PAK3: variants seen among roughly 807,000 people sequenced by gnomAD.
PAK3 encodes the protein p21 (RAC1) activated kinase 3, also known as serine/threonine-protein kinase PAK 3.
PAK3 carries 4 observed loss-of-function variants against 41.0 expected under a neutral mutation model. The observed-to-expected ratio is 0.10, with a 90% confidence interval of 0.05 to 0.22. The LOEUF is 0.22. Among genes scored for constraint, PAK3 ranks in the 10% least tolerant of loss-of-function variants. The pLI, the probability that PAK3 is intolerant of heterozygous loss-of-function variation, is 1.00. For synonymous variants in PAK3, 146 were observed against 139.6 expected (o/e 1.05, Z -0.32); for missense variants, 205 against 409.9 (o/e 0.50, Z 4.32).
chrX:111,186,240 G>T (rs1459082389), intron 11 of PAK3, among the ~76,000 whole-genome samples: 2 of 111,507 alleles, frequency 1.8e-5, no homozygotes, highest in Admixed American at 9.6e-5. Context: ...ATAAGACAAG[G>T]TTGCCCTCTC....
At chrX:110,989,222 A>G (rs181593822) in intron 1 of PAK3, among the ~76,000 whole-genome samples, 1 of 111,412 alleles carries the variant, frequency 9.0e-6, no homozygotes, top group African/African-American at 3.3e-5. Flanking sequence ...CCTCTGTGAT[A>G]CTCTAGGCCT....
chrX:110,982,801 G>A (rs1044902203), intron 1 of PAK3, among the ~76,000 whole-genome samples: 1 of 110,948 alleles, frequency 9.0e-6, no homozygotes, highest in African/African-American at 3.3e-5. Flanking sequence ...AATGGAGCAA[G>A]GGCAGACCCC....
chrX:110,984,678 C>T (rs769149364), intron 1 of PAK3, among the ~76,000 whole-genome samples: 4 of 111,951 alleles, frequency 3.6e-5, no homozygotes, highest in Non-Finnish European at 5.6e-5. Context: ...CAAGAAAAGA[C>T]TAACATAATT....
chrX:111,017,645 C>T (rs2092111993), intron 1 of PAK3, among the ~76,000 whole-genome samples: 1 of 111,651 alleles, frequency 9.0e-6, no homozygotes, highest in Non-Finnish European at 1.9e-5. Context: ...GGGTTCACCT[C>T]TAATTTCCAC....
At chrX:110,971,643 T>C (rs1396318643) in intron 1 of PAK3, among the ~76,000 whole-genome samples, 1 of 112,193 alleles carries the variant, frequency 8.9e-6, no homozygotes, top group Non-Finnish European at 1.9e-5. Flanking sequence ...TTCATTTTCT[T>C]GATGCTGTCC....
chrX:111,084,895 G>A (rs182507162), intron 1 of PAK3, among the ~76,000 whole-genome samples: 145 of 111,655 alleles, frequency 1.3e-3, no homozygotes, highest in African/African-American at 4.4e-3. Context: ...TCTGAAAAAC[G>A]ACTACCCCTT....
At chrX:111,118,901 A>G (rs1246726288) in intron 4 of PAK3, among the ~76,000 whole-genome samples, 1 of 111,686 alleles carries the variant, frequency 9.0e-6, no homozygotes, top group African/African-American at 3.3e-5. Flanking sequence ...CAGATATCAT[A>G]CCATCAGAGA....
In PAK3 at chrX:111,142,252, T is replaced by C; in HGVS notation, c.276+56T>C. Reference sequence around the variant, plus strand: ...CCACGAAAGAATTCCTTTGTGAAAATAGTTTTCAAGCAAGAATTGCCATGT... The same window carrying C: ...CCACGAAAGAATTCCTTTGTGAAAACAGTTTTCAAGCAAGAATTGCCATGT... On this transcript the variant is annotated intron_variant, in intron 6 of 17. Coordinates refer to ENST00000372007, the MANE Select transcript of PAK3 (RefSeq NM_002578.5). 3 of 719,917 alleles carry C rather than the reference T, an allele frequency of 4.2e-6. No individual in the cohort carries two copies. In the South Asian group the frequency reaches 6.3e-5, roughly 15 times the overall value. 59.3% of individuals were successfully genotyped at this position (719,917 alleles called of 1,213,427 possible). A position where few individuals can be genotyped will look rare whatever the true frequency, so the allele number is the denominator to read the frequency against.
chrX:111,036,591 C>T (rs1164749519), intron 1 of PAK3, among the ~76,000 whole-genome samples: 2 of 112,069 alleles, frequency 1.8e-5, no homozygotes, highest in African/African-American at 3.2e-5. Flanking sequence ...TAATTATCTC[C>T]ACCTGGTCCT....
intron 1 of PAK3, among the ~76,000 whole-genome samples, chrX:111,002,415 A>G (rs748704141): frequency 8.9e-6 from 1 of 111,749 alleles, no homozygotes; most frequent in Non-Finnish European, 1.9e-5. Context: ...TGCAGGACAC[A>G]CATGCTCTGA....
At chrX:111,150,259 TC>T (rs1306629902) in intron 7 of PAK3, among the ~76,000 whole-genome samples, 1 of 112,100 alleles carries the variant, frequency 8.9e-6, no homozygotes, top group African/African-American at 3.2e-5. Flanking sequence ...TCAACAAGCC[TC>T]TATGAAGTTC....
chrX:111,215,084 C>T (rs774797860), intron 16 of PAK3, among the ~76,000 whole-genome samples: 24 of 111,785 alleles, frequency 2.1e-4, no homozygotes, highest in Non-Finnish European at 4.1e-4. Flanking sequence ...TAGCTCTTGG[C>T]CCACTGTACT....
chrX:111,196,897 TTC>T (rs1425949677), intron 16 of PAK3, among the ~76,000 whole-genome samples: 4 of 107,518 alleles, frequency 3.7e-5, no homozygotes, highest in African/African-American at 1.4e-4. Flanking sequence ...TACCCTTTTT[TTC>T]TCTTTTTCTC....
intron 17 of PAK3, among the ~76,000 whole-genome samples, chrX:111,218,533 A>G (rs1057490736): frequency 8.9e-6 from 1 of 112,084 alleles, no homozygotes. Flanking sequence ...AGTTAAGTTG[A>G]AGAAAATAAG....
Position 111,223,102 on chromosome X carries a change from C to T in PAK3, c.*2655C>T, listed in dbSNP as rs906531084. 14 of 110,952 alleles carry T rather than the reference C, an allele frequency of 1.3e-4. No individual in the cohort carries two copies. The highest frequency in any genetic ancestry group is 2.9e-4 in the Admixed American group (3 of 10,348). 9.1% of individuals were successfully genotyped at this position (110,952 alleles called of 1,213,427 possible). A position where few individuals can be genotyped will look rare whatever the true frequency, so the allele number is the denominator to read the frequency against. ...ATTTGGTACAATCGAGTAACTTGAA[C>T]GCCAGATTGTTAACAGTTTATTCTC... On this transcript the variant is annotated 3_prime_UTR_variant, in exon 18 of 18. Transcript: ENST00000372007.
At chrX:111,079,822 T>C (rs1487756059) in intron 1 of PAK3, among the ~76,000 whole-genome samples, 1 of 112,337 alleles carries the variant, frequency 8.9e-6, no homozygotes, top group African/African-American at 3.2e-5. Flanking sequence ...TAAATATCAG[T>C]ATTAACAGGA....
At chrX:111,132,889 T>G (rs1361497245) in intron 5 of PAK3, among the ~76,000 whole-genome samples, 1 of 110,354 alleles carries the variant, frequency 9.1e-6, no homozygotes, top group African/African-American at 3.3e-5. Flanking sequence ...GCAGAAATCA[T>G]ACACACACAC....
chrX:110,999,301 C>CAGA (rs1276663487), intron 1 of PAK3, among the ~76,000 whole-genome samples: 2 of 111,563 alleles, frequency 1.8e-5, no homozygotes, highest in African/African-American at 6.5e-5. Flanking sequence ...ATGCAGTGAC[C>CAGA]AGAAGCTTTG....
intron 4 of PAK3, among the ~76,000 whole-genome samples, chrX:111,116,545 G>T (rs1371960161): frequency 8.9e-6 from 1 of 111,975 alleles, no homozygotes; most frequent in Non-Finnish European, 1.9e-5. Flanking sequence ...GAAAAAGAAT[G>T]ATTTTTTCCT....
Sources: allele counts gnomAD v4.1 joint callset (sites outside exome capture counted in the v4.1 genomes callset), GRCh38; gene constraint gnomAD v4.1.1; transcripts MANE v1.5; gene names NCBI Gene and HGNC (gene_info 2026-07-23, HGNC 2026-07-21).